XYLT1: variants seen among roughly 807,000 people sequenced by gnomAD.
XYLT1 encodes the protein xylosyltransferase 1, also known as beta-D-xylosyltransferase 1.
Under a neutral mutation model 91.3 loss-of-function variants are expected in XYLT1, and 36 were observed. The observed-to-expected ratio is 0.39, with a 90% CI of 0.30 to 0.52. The LOEUF (loss-of-function observed/expected upper bound fraction) is 0.52, where lower values mean the gene tolerates loss of function less well. Ranked by LOEUF, XYLT1 falls within the 20% of genes least tolerant of loss-of-function variation. The pLI is 0.68. For missense variants in XYLT1, 1,242 were observed against 1,284.5 expected, an observed-to-expected ratio of 0.97 and a Z score of 0.51; for synonymous variants, 588 against 532.0, an observed-to-expected ratio of 1.11 and a Z score of -1.45.
chr16:17,383,731 T>A (rs1053936113), intron 1 of XYLT1, among the ~76,000 whole-genome samples: 22 of 150,304 alleles, frequency 1.5e-4, no homozygotes, highest in African/African-American at 5.4e-4. Flanking sequence ...ATAATAGCTG[T>A]GTGACCCAAA....
chr16:17,254,629 G>A (rs915798670), intron 3 of XYLT1, among the ~76,000 whole-genome samples: 32 of 151,932 alleles, frequency 2.1e-4, no homozygotes, highest in Non-Finnish European at 3.4e-4. Context: ...TGATGACCTC[G>A]GGTGATCCAC....
At chr16:17,269,403 C>A (rs139108631) in intron 2 of XYLT1, among the ~76,000 whole-genome samples, 2,772 of 151,930 alleles carry the variant, frequency 0.018, 99 homozygotes, top group Admixed American at 0.1. Flanking sequence ...AGGCTGGTCT[C>A]AAACTCCTAG....
At chr16:17,418,287 T>A (rs2036205164) in intron 1 of XYLT1, among the ~76,000 whole-genome samples, 1 of 152,250 alleles carries the variant, frequency 6.6e-6, no homozygotes, top group Non-Finnish European at 1.5e-5. Context: ...ATATTATTTA[T>A]GGATTAGACA....
In XYLT1 at chr16:17,324,931, G is replaced by A. The variant is rs148975369; in HGVS notation, c.402+33081C>T. 2.1e-3 allele frequency among the ~76,000 whole-genome samples: 323 copies of A among 151,696 alleles called. 3 individuals are homozygous for A. The highest frequency in any genetic ancestry group is 7.4e-3 in the African/African-American group (305 of 41,324). ...TTAAATGAATATTCCATTTATGAAG[G>A]CAAAGAAAGACGATGCTTTATCATA... On this transcript the variant is annotated intron_variant, in intron 2 of 11. Transcript: ENST00000261381.
intron 2 of XYLT1, among the ~76,000 whole-genome samples, chr16:17,292,081 T>TACACACACACACAC (rs10568382): frequency 2.0e-5 from 3 of 148,984 alleles, no homozygotes; most frequent in African/African-American, 7.4e-5. Context: ...CACTAAACCA[T>TACACACACACACAC]ACACACACAC....
At chr16:17,464,579 C>T (rs559362120) in intron 1 of XYLT1, among the ~76,000 whole-genome samples, 1 of 151,560 alleles carries the variant, frequency 6.6e-6, no homozygotes, top group Non-Finnish European at 1.5e-5. Flanking sequence ...TAATGAATAT[C>T]CCAATTACTT....
intron 1 of XYLT1, among the ~76,000 whole-genome samples, chr16:17,408,556 AAAG>A (rs1298690988): frequency 1.3e-5 from 2 of 152,216 alleles, no homozygotes; most frequent in African/African-American, 4.8e-5. Context: ...CTAGGTGCTA[AAAG>A]AATAGGCCGG....
At chr16:17,371,348 A>G (rs1021104418) in intron 1 of XYLT1, among the ~76,000 whole-genome samples, 5 of 152,226 alleles carry the variant, frequency 3.3e-5, no homozygotes, top group African/African-American at 7.2e-5. Context: ...ACCAAAATCA[A>G]CGGAAACCCA....
intron 6 of XYLT1, among the ~76,000 whole-genome samples, chr16:17,153,988 G>A (rs749842233): frequency 1.2e-4 from 18 of 152,142 alleles, no homozygotes; most frequent in Non-Finnish European, 2.4e-4. Flanking sequence ...CAGCTCTGTC[G>A]TTCACTAGCT....
intron 3 of XYLT1, among the ~76,000 whole-genome samples, chr16:17,252,203 T>A (rs537980202): frequency 1.4e-4 from 21 of 152,288 alleles, no homozygotes; most frequent in African/African-American, 5.1e-4. Flanking sequence ...CAGCATTTTA[T>A]ATGCATTGTC....
intron 3 of XYLT1, among the ~76,000 whole-genome samples, chr16:17,230,544 C>G (rs944538762): frequency 9.2e-5 from 14 of 152,240 alleles, no homozygotes; most frequent in African/African-American, 3.4e-4. Flanking sequence ...CCAAAGGAAG[C>G]TGATGAGAAA....
At chr16:17,307,187 T>C (rs1406894061) in intron 2 of XYLT1, among the ~76,000 whole-genome samples, 2 of 152,172 alleles carry the variant, frequency 1.3e-5, no homozygotes, top group African/African-American at 4.8e-5. Flanking sequence ...CAAGCAATTC[T>C]CCTGCCTCAG....
chr16:17,376,124 G>A (rs2035597834), intron 1 of XYLT1, among the ~76,000 whole-genome samples: 1 of 152,232 alleles, frequency 6.6e-6, no homozygotes. Flanking sequence ...GTGCTTTCAC[G>A]ACCTGGTGGC....
At chr16:17,189,110 T>A (rs2032253286) in intron 5 of XYLT1, among the ~76,000 whole-genome samples, 1 of 152,138 alleles carries the variant, frequency 6.6e-6, no homozygotes, top group Non-Finnish European at 1.5e-5. Flanking sequence ...TAGAGAAGTA[T>A]CTTCACTGGG....
intron 1 of XYLT1, among the ~76,000 whole-genome samples, chr16:17,392,704 C>T (rs755099988): frequency 9.2e-5 from 14 of 152,250 alleles, no homozygotes; most frequent in Admixed American, 4.6e-4. Flanking sequence ...AGCTGCAAGA[C>T]AGAAGGCCAC....
At chr16:17,234,690 G>T (rs1320913160) in intron 3 of XYLT1, among the ~76,000 whole-genome samples, 1 of 66,452 alleles carries the variant, frequency 1.5e-5, no homozygotes, top group Middle Eastern at 6.3e-3. Flanking sequence ...ACTGAGCCAT[G>T]TGATAAAATA....
chr16:17,420,101 C>A (rs2036233212), intron 1 of XYLT1, among the ~76,000 whole-genome samples: 1 of 152,116 alleles, frequency 6.6e-6, no homozygotes, highest in South Asian at 2.1e-4. Context: ...TAGGATCAAG[C>A]CTTTCATCTT....
At chr16:17,146,119 C>T (rs2031125982) in intron 6 of XYLT1, among the ~76,000 whole-genome samples, 1 of 151,686 alleles carries the variant, frequency 6.6e-6, no homozygotes, top group Non-Finnish European at 1.5e-5. Flanking sequence ...CCGGGCTTCC[C>T]ACAAATCCAC....
chr16:17,262,388 C>A (rs2033735807), intron 2 of XYLT1, among the ~76,000 whole-genome samples: 1 of 152,124 alleles, frequency 6.6e-6, no homozygotes, highest in Admixed American at 6.5e-5. Context: ...CTTGCATCTG[C>A]CTGATTCTAA....
Sources: allele counts gnomAD v4.1 joint callset (sites outside exome capture counted in the v4.1 genomes callset), GRCh38; gene constraint gnomAD v4.1.1; transcripts MANE v1.5; gene names NCBI Gene and HGNC (gene_info 2026-07-23, HGNC 2026-07-21).